The following AP2A2 variants were observed in gnomAD, a reference collection of about 807,000 sequenced individuals.
AP2A2 encodes adaptor related protein complex 2 subunit alpha 2, also known as AP-2 complex subunit alpha-2.
In AP2A2, 32 loss-of-function variants were observed where a neutral mutation model predicts 104.2. The observed-to-expected ratio is 0.31, with a 90% CI of 0.23 to 0.41. The LOEUF (loss-of-function observed/expected upper bound fraction) is 0.41. Ranked by LOEUF, AP2A2 falls within the 10% of genes least tolerant of loss-of-function variation. The pLI is 1.00. For synonymous variants in AP2A2, 539 were observed against 533.3 expected, an observed-to-expected ratio of 1.01 and a Z score of -0.15; for missense variants, 912 against 1,261.0, an observed-to-expected ratio of 0.72 and a Z score of 4.19.
chr11:1,007,893 T>G, intron 17 of AP2A2, 119 bp from the exon 18 acceptor site: 2 of 1,438,904 alleles, frequency 1.4e-6, no homozygotes, highest in Non-Finnish European at 1.9e-6. Flanking sequence ...GACCCGTAGC[T>G]GGTGGTCCTA....
intron 1 of AP2A2, 56 bp from the exon 2 acceptor site, chr11:959,381 T>C: frequency 8.4e-7 from 1 of 1,183,950 alleles, no homozygotes; most frequent in Non-Finnish European, 1.2e-6. Flanking sequence ...ATCAGGGAAA[T>C]GGTGTTTCTT....
chr11:962,268 T>G (rs1390663884), intron 2 of AP2A2, among the ~76,000 whole-genome samples: 1 of 152,252 alleles, frequency 6.6e-6, no homozygotes, highest in Non-Finnish European at 1.5e-5. Flanking sequence ...TAGAAATTGC[T>G]TGAAAGGAAA....
rs1853104931 is a variant in AP2A2 at position 925,962 on chromosome 11, C to T, written c.-60C>T. 1 of 1,310,260 alleles carries T rather than the reference C, an allele frequency of 7.6e-7. No homozygotes were observed. The highest frequency in any genetic ancestry group is 1.7e-5 in the South Asian group (1 of 58,906). The allele number at this position is 1,310,260 out of a possible 1,614,324, so 81.2% of individuals were successfully genotyped here. The stretch of plus-strand genomic sequence containing the variant: ...TGACGGCGACCGCACTCCCCGCTTC[C>T]CGCTCCCCGCGCTCCTCCGCCCGGG... On this transcript the variant is annotated 5_prime_UTR_variant, in exon 1 of 22. Transcript: ENST00000448903.
In AP2A2 at chr11:1,001,257, A is replaced by T. The variant is rs186706567; in HGVS notation, c.2123+659A>T. ...GTCGGTGCTGACCACTTTCCCCCGC[A>T]CGTGCTCTCCCCAGCCCTCTCTGCT... On this transcript the variant is annotated intron_variant, in intron 15 of 21. Coordinates refer to ENST00000448903, the MANE Select transcript of AP2A2 (RefSeq NM_012305.4). 8 of 152,426 alleles carry T rather than the reference A, an allele frequency of 5.2e-5. 1 individual carries two copies. Among genetic ancestry groups the T allele is most frequent in the Admixed American group, 5.2e-4 (8 of 15,284 alleles). The allele number at this position is 152,426 out of a possible 1,614,324, so 9.4% of individuals were successfully genotyped here.
chr11:936,297 C>G (rs1221439134), intron 1 of AP2A2, among the ~76,000 whole-genome samples: 1 of 147,642 alleles, frequency 6.8e-6, no homozygotes, highest in Non-Finnish European at 1.5e-5. Flanking sequence ...ACTGCAGCTT[C>G]GACCTCCTGG....
chr11:1,003,224 G>T (rs887961776), intron 15 of AP2A2, among the ~76,000 whole-genome samples: 1 of 152,272 alleles, frequency 6.6e-6, no homozygotes, highest in Non-Finnish European at 1.5e-5. Context: ...GGAGAGGCCA[G>T]AGGGGAGATG....
chr11:962,795 A>T (rs760060924), intron 2 of AP2A2, among the ~76,000 whole-genome samples: 2 of 152,166 alleles, frequency 1.3e-5, no homozygotes, highest in Non-Finnish European at 2.9e-5. Context: ...AGGAGACTTC[A>T]TGCCTGTCTG....
chr11:985,384 G>A, intron 7 of AP2A2, 51 bp from the exon 8 acceptor site: 1 of 1,580,036 alleles, frequency 6.3e-7, no homozygotes, highest in African/African-American at 1.4e-5. Context: ...GGGGCAGGGT[G>A]GGCTGCGGGC....
In AP2A2 at chr11:977,197, G is replaced by A. The variant is rs1335543571; in HGVS notation, c.576G>A (p.Val192=). The A allele has an allele frequency of 6.2e-7, 1 of 1,608,572 alleles. No homozygotes were observed. The highest frequency in any genetic ancestry group is 8.5e-7 in the Non-Finnish European group (1 of 1,176,514). The change falls in exon 5 of 22, where the codon GTG becomes GTA. Residue 192 remains valine, a synonymous_variant. Transcript: ENST00000448903. ...LVPMGDWTSR[V]VHLLNDQHLG... Reference sequence around the variant, plus strand: ...CCATGGGCGACTGGACATCCCGAGTGGTGCACCTGCTCAATGACCAGCACT... The same window carrying A: ...CCATGGGCGACTGGACATCCCGAGTAGTGCACCTGCTCAATGACCAGCACT...
At chr11:984,195 G>T (rs932464038) in intron 6 of AP2A2, among the ~76,000 whole-genome samples, 3 of 152,200 alleles carry the variant, frequency 2.0e-5, no homozygotes, top group African/African-American at 7.2e-5. Context: ...TGGGATGTGA[G>T]TGAGGTGGGC....
intron 14 of AP2A2, among the ~76,000 whole-genome samples, chr11:1,000,198 T>C (rs1436876140): frequency 2.6e-5 from 4 of 152,238 alleles, no homozygotes; most frequent in Admixed American, 6.5e-5. Context: ...AGTGAAATTA[T>C]GACTGATGTT....
At chr11:988,009 A>G (rs1855520965) in intron 9 of AP2A2, among the ~76,000 whole-genome samples, 1 of 152,248 alleles carries the variant, frequency 6.6e-6, no homozygotes, top group Non-Finnish European at 1.5e-5. Context: ...CCCTATTGTC[A>G]GAAGGGCTGG....
At chr11:1,003,991 C>G (rs373189472) in intron 16 of AP2A2, among the ~76,000 whole-genome samples, 187 bp downstream of exon 16, 4 of 151,856 alleles carry the variant, frequency 2.6e-5, no homozygotes, top group African/African-American at 9.7e-5. Context: ...ACATCAAGAC[C>G]CCATCTCTAC....
chr11:952,217 C>T (rs1379300981), intron 1 of AP2A2, among the ~76,000 whole-genome samples: 1 of 152,186 alleles, frequency 6.6e-6, no homozygotes, highest in Non-Finnish European at 1.5e-5. Flanking sequence ...AGTTTTGCTG[C>T]ACATTGCAAG....
At chr11:956,158 A>G (rs1046288055) in intron 1 of AP2A2, among the ~76,000 whole-genome samples, 2 of 152,154 alleles carry the variant, frequency 1.3e-5, no homozygotes, top group South Asian at 2.1e-4. Flanking sequence ...CAAATACCGT[A>G]GTGAGAACTT....
At chr11:963,401 G>C (rs924881785) in intron 2 of AP2A2, among the ~76,000 whole-genome samples, 103 of 152,140 alleles carry the variant, frequency 6.8e-4, no homozygotes, top group African/African-American at 2.3e-3. Context: ...ACTACAGCCT[G>C]GGCGACAGAG....
chr11:932,714 G>C (rs796512405), intron 1 of AP2A2: 34 of 456,234 alleles, frequency 7.5e-5, no homozygotes, highest in African/African-American at 6.2e-4. Context: ...GCCAAGGTTG[G>C]TGGTCACTGC....
Position 926,053 on chromosome 11 carries a change from G to A in AP2A2, c.32G>A (p.Arg11Gln). The A allele has an allele frequency of 1.4e-6, 2 of 1,379,406 alleles. No homozygotes were observed. Among genetic ancestry groups the A allele is most frequent in the Non-Finnish European group, 1.9e-6 (2 of 1,055,250 alleles). 85.4% of individuals were successfully genotyped at this position (1,379,406 alleles called of 1,614,324 possible). Residue 11 changes from arginine to glutamine, a missense_variant, in exon 1 of 22, where the codon CGG (arginine) becomes CAG (glutamine). Physicochemically the swap from Arg to Gln is conservative, Grantham distance 43. This residue lies in a region of AP2A2 where 43 missense variants were observed against 47.0 expected (regional missense o/e 0.91). Transcript: ENST00000448903. ...GCCGTGTCCAAGGGGGACGGGATGC[G>A]GGGCCTGGCGGTCTTCATCTCGGAT... MPAVSKGDGM[R>Q]GLAVFISDIR...
intron 17 of AP2A2, chr11:1,006,870 A>C: frequency 6.2e-6 from 3 of 481,972 alleles, no homozygotes; most frequent in East Asian, 3.7e-5. Context: ...CTCCCCTTCC[A>C]TCTGGCCAGT....
Sources: allele counts gnomAD v4.1 joint callset (sites outside exome capture counted in the v4.1 genomes callset), GRCh38; gene constraint gnomAD v4.1.1; regional missense constraint gnomAD v4.1.1; transcripts MANE v1.5; gene names NCBI Gene and HGNC (gene_info 2026-07-23, HGNC 2026-07-21).